Variants in GPR39 observed in about 807,000 individuals in gnomAD.
The protein encoded by GPR39 is zinc sensing receptor.
Under a neutral mutation model 18.4 loss-of-function variants are expected in GPR39, and 23 were observed. The ratio of observed to expected loss-of-function variants is 1.25; its 90% confidence interval spans 0.90 to 1.77. The LOEUF (loss-of-function observed/expected upper bound fraction) is 1.77. GPR39 is among the 40% of genes most tolerant of loss of function. GPR39 has a pLI of 0.00. For synonymous variants in GPR39, 280 were observed against 257.9 expected, an observed-to-expected ratio of 1.09 and a Z score of -0.82; for missense variants, 647 against 602.4, an observed-to-expected ratio of 1.07 and a Z score of -0.78.
intron 1 of GPR39, among the ~76,000 whole-genome samples, chr2:132,517,462 T>TGAAGCATG (rs1679353736): frequency 6.6e-6 from 1 of 152,174 alleles, no homozygotes; most frequent in Non-Finnish European, 1.5e-5. Flanking sequence ...TAGTGCCCTG[T>TGAAGCATG]GAAGCATGTG....
chr2:132,448,297 G>C (rs187769678), intron 1 of GPR39, among the ~76,000 whole-genome samples: 1 of 152,170 alleles, frequency 6.6e-6, no homozygotes, highest in African/African-American at 2.4e-5. Context: ...TAAGCTGTGT[G>C]GGGTGTGGAT....
intron 1 of GPR39, among the ~76,000 whole-genome samples, chr2:132,552,796 ATGTGTG>A (rs59345614): frequency 0.33 from 48,131 of 144,726 alleles, 8,296 homozygotes; most frequent in African/African-American, 0.43. Context: ...ATGTGTATAT[ATGTGTG>A]TGTGTGTGTG....
chr2:132,439,479 G>A (rs1680395816), intron 1 of GPR39, among the ~76,000 whole-genome samples: 1 of 152,180 alleles, frequency 6.6e-6, no homozygotes, highest in Admixed American at 6.5e-5. Context: ...TTTGTCACAG[G>A]AAAATTAGAT....
At chr2:132,496,857 C>A (rs893148254) in intron 1 of GPR39, among the ~76,000 whole-genome samples, 3 of 152,154 alleles carry the variant, frequency 2.0e-5, no homozygotes, top group Non-Finnish European at 4.4e-5. Flanking sequence ...TCTGATGGCT[C>A]CATGGTGTCA....
chr2:132,439,559 CAG>C (rs1004742267), intron 1 of GPR39, among the ~76,000 whole-genome samples: 7 of 152,124 alleles, frequency 4.6e-5, no homozygotes, highest in South Asian at 2.1e-4. Context: ...AGAAAGAAAA[CAG>C]AGAGTTGAAG....
chr2:132,578,402 A>C (rs1680565475), intron 1 of GPR39, among the ~76,000 whole-genome samples: 1 of 152,126 alleles, frequency 6.6e-6, no homozygotes, highest in East Asian at 1.9e-4. Flanking sequence ...TGAACTGGGA[A>C]GTATTCTCCT....
chr2:132,548,804 C>CATT (rs1200285679), intron 1 of GPR39, among the ~76,000 whole-genome samples: 1 of 152,104 alleles, frequency 6.6e-6, no homozygotes, highest in Admixed American at 6.6e-5. Flanking sequence ...AACTTTTTGC[C>CATT]ATTATTATTA....
At chr2:132,429,042 TG>T (rs1680177915) in intron 1 of GPR39, among the ~76,000 whole-genome samples, 2 of 152,330 alleles carry the variant, frequency 1.3e-5, no homozygotes, top group Non-Finnish European at 2.9e-5. Flanking sequence ...TTGCCAATTC[TG>T]CTCTATGATT....
At chr2:132,521,288 G>A (rs1266260690) in intron 1 of GPR39, among the ~76,000 whole-genome samples, 1 of 152,242 alleles carries the variant, frequency 6.6e-6, no homozygotes, top group Non-Finnish European at 1.5e-5. Context: ...TCTGTGAATA[G>A]CGAAAGAACA....
intron 1 of GPR39, among the ~76,000 whole-genome samples, chr2:132,617,164 T>C (rs16838322): frequency 0.014 from 2,104 of 152,322 alleles, 63 homozygotes; most frequent in African/African-American, 0.048. Context: ...CTTCTGATGA[T>C]GGATACTTGG....
At chr2:132,619,465 C>T (rs1350830022) in intron 1 of GPR39, among the ~76,000 whole-genome samples, 1 of 152,144 alleles carries the variant, frequency 6.6e-6, no homozygotes, top group Non-Finnish European at 1.5e-5. Flanking sequence ...AGTGACAGTC[C>T]CACTTTGTAG....
At chr2:132,577,645 T>C (rs1680552985) in intron 1 of GPR39, among the ~76,000 whole-genome samples, 1 of 152,240 alleles carries the variant, frequency 6.6e-6, no homozygotes, top group Admixed American at 6.5e-5. Context: ...AGTGACTGAC[T>C]GTAAGTGGCA....
intron 1 of GPR39, among the ~76,000 whole-genome samples, chr2:132,504,526 TGAGCTGCTCTTCCTG>T (rs1679100855): frequency 6.6e-6 from 1 of 152,196 alleles, no homozygotes; most frequent in Non-Finnish European, 1.5e-5. Flanking sequence ...TAGCTAGTTC[TGAGCTGCTCTTCCTG>T]TGGACACCCT....
chr2:132,571,564 C>T (rs1176674290), intron 1 of GPR39, among the ~76,000 whole-genome samples: 1 of 151,958 alleles, frequency 6.6e-6, no homozygotes, highest in Non-Finnish European at 1.5e-5. Flanking sequence ...AACAGTTGGG[C>T]GTCTTAATTG....
chr2:132,562,850 G>C (rs1455499305), intron 1 of GPR39, among the ~76,000 whole-genome samples: 1 of 152,136 alleles, frequency 6.6e-6, no homozygotes, highest in East Asian at 1.9e-4. Flanking sequence ...CCGAGAAAGA[G>C]TTGAAAGTTC....
Position 132,557,962 on chromosome 2 carries a change from G to C in GPR39, c.857-87139G>C, listed in dbSNP as rs576101585. 2.2e-4 allele frequency among the ~76,000 whole-genome samples: 33 copies of C among 152,012 alleles called. No individual in the cohort carries two copies. The South Asian group carries it at 2.7e-3, about 12-fold the overall frequency. ...TGCAGCTGCAGAGTATTCAGGGTAA[G>C]GGTCAGCTGCACTGAGTGGTGGTGG... On this transcript the variant is annotated intron_variant, in intron 1 of 1. Transcript: ENST00000329321.
intron 1 of GPR39, among the ~76,000 whole-genome samples, chr2:132,523,171 T>A (rs1458824196): frequency 6.6e-6 from 1 of 152,218 alleles, no homozygotes; most frequent in Non-Finnish European, 1.5e-5. Flanking sequence ...CATTACTTTT[T>A]TAAAAGAGAA....
chr2:132,420,570 T>C (rs1679990909), intron 1 of GPR39, among the ~76,000 whole-genome samples: 1 of 152,228 alleles, frequency 6.6e-6, no homozygotes, highest in African/African-American at 2.4e-5. Context: ...TTAAAATAAA[T>C]ATTTGCTTAT....
intron 1 of GPR39, among the ~76,000 whole-genome samples, chr2:132,544,158 T>C (rs1280595111): frequency 6.6e-6 from 1 of 152,188 alleles, no homozygotes; most frequent in Non-Finnish European, 1.5e-5. Context: ...TAAGATGTCA[T>C]CTTTTAGTTT....
Sources: allele counts gnomAD v4.1 joint callset (sites outside exome capture counted in the v4.1 genomes callset), GRCh38; gene constraint gnomAD v4.1.1; transcripts MANE v1.5; gene names NCBI Gene and HGNC (gene_info 2026-07-23, HGNC 2026-07-21).